RNF152: variants seen among roughly 807,000 people sequenced by gnomAD.
RNF152 encodes the protein E3 ubiquitin-protein ligase RNF152.
In RNF152, 11 loss-of-function variants were observed where a neutral mutation model predicts 12.7. That is an observed-to-expected ratio of 0.86 (90% CI 0.54 to 1.43). The LOEUF is 1.43. Among genes scored for constraint, RNF152 ranks in the 40% most tolerant of loss-of-function variants. The pLI, the probability that RNF152 is intolerant of heterozygous loss-of-function variation, is 0.00. For synonymous variants in RNF152, 113 were observed against 120.3 expected (o/e 0.94, Z 0.40); for missense variants, 255 against 274.8 (o/e 0.93, Z 0.51).
chr18:61,866,834 C>T (rs1316101811), intron 1 of RNF152, among the ~76,000 whole-genome samples: 1 of 152,192 alleles, frequency 6.6e-6, no homozygotes, highest in African/African-American at 2.4e-5. Context: ...CAAGACAGCC[C>T]ATAGCTTTGG....
At chr18:61,884,229 C>T (rs74639088) in intron 1 of RNF152, among the ~76,000 whole-genome samples, 4,366 of 112,498 alleles carry the variant, frequency 0.039, 86 homozygotes, top group Non-Finnish European at 0.056. Context: ...CCCCATTTTG[C>T]AGCTGAAGAA....
chr18:61,882,451 T>C (rs1343204238), intron 1 of RNF152, among the ~76,000 whole-genome samples: 1 of 152,212 alleles, frequency 6.6e-6, no homozygotes, highest in Non-Finnish European at 1.5e-5. Flanking sequence ...GATGATTACA[T>C]GGGAAAGAGG....
intron 1 of RNF152, among the ~76,000 whole-genome samples, chr18:61,876,009 C>T (rs1912197926): frequency 6.6e-6 from 1 of 152,268 alleles, no homozygotes; most frequent in South Asian, 2.1e-4. Context: ...AGTCCCCCTC[C>T]CACCAACCTT....
chr18:61,846,508 G>A (rs1455997077), intron 1 of RNF152, among the ~76,000 whole-genome samples: 1 of 152,106 alleles, frequency 6.6e-6, no homozygotes, highest in Non-Finnish European at 1.5e-5. Context: ...CTTACAGGTT[G>A]AGGTAAGGGG....
chr18:61,848,876 G>C (rs1458490533), intron 1 of RNF152, among the ~76,000 whole-genome samples: 1 of 152,234 alleles, frequency 6.6e-6, no homozygotes, highest in Non-Finnish European at 1.5e-5. Context: ...CAGAGGGCAA[G>C]AGAGCCAGGA....
chr18:61,849,282 G>A (rs1910869138), intron 1 of RNF152, among the ~76,000 whole-genome samples: 1 of 152,132 alleles, frequency 6.6e-6, no homozygotes, highest in Admixed American at 6.5e-5. Context: ...TATGTGACAT[G>A]GCCAGAAATT....
intron 1 of RNF152, among the ~76,000 whole-genome samples, chr18:61,864,704 C>T (rs1279068302): frequency 6.6e-6 from 1 of 152,170 alleles, no homozygotes; most frequent in African/African-American, 2.4e-5. Context: ...CTGAGGCCAG[C>T]TAAGAGCCCA....
intron 1 of RNF152, among the ~76,000 whole-genome samples, chr18:61,879,723 G>C: frequency 6.6e-6 from 1 of 152,068 alleles, no homozygotes; most frequent in East Asian, 1.9e-4. Flanking sequence ...CAGCACTTTG[G>C]GAGGCTGAGG....
intron 1 of RNF152, among the ~76,000 whole-genome samples, chr18:61,876,088 C>T (rs937857073): frequency 7.2e-5 from 11 of 152,206 alleles, no homozygotes; most frequent in Admixed American, 3.3e-4. Context: ...TAAAGCATTA[C>T]TCACTGTCTG....
chr18:61,862,543 C>T (rs545393067), intron 1 of RNF152, among the ~76,000 whole-genome samples: 62 of 151,986 alleles, frequency 4.1e-4, no homozygotes, highest in African/African-American at 1.4e-3. Context: ...CATGAAGCTT[C>T]GGTAAAAAAA....
At chr18:61,876,845 A>G (rs1912235802) in intron 1 of RNF152, among the ~76,000 whole-genome samples, 2 of 152,222 alleles carry the variant, frequency 1.3e-5, no homozygotes, top group Non-Finnish European at 2.9e-5. Context: ...TCTTATGCTC[A>G]TTATTATGCA....
chr18:61,866,792 G>T (rs2144728228), intron 1 of RNF152, among the ~76,000 whole-genome samples: 1 of 152,278 alleles, frequency 6.6e-6, no homozygotes, highest in African/African-American at 2.4e-5. Flanking sequence ...TCCCCTACTT[G>T]CCCGCTGTCC....
At chr18:61,852,909 A>G (rs1178927951) in intron 1 of RNF152, among the ~76,000 whole-genome samples, 1 of 152,212 alleles carries the variant, frequency 6.6e-6, no homozygotes, top group Admixed American at 6.5e-5. Flanking sequence ...ATTTTCAGAC[A>G]CAATCTGTTC....
chr18:61,874,807 G>A (rs1178121714), intron 1 of RNF152, among the ~76,000 whole-genome samples: 1 of 152,194 alleles, frequency 6.6e-6, no homozygotes, highest in Non-Finnish European at 1.5e-5. Flanking sequence ...GTGTTTTCAG[G>A]ATATTGAAGT....
At position 61,815,821 on chromosome 18, in the gene RNF152, G is replaced by T. The variant is rs1237061682; in HGVS notation, c.*31C>A. Reference sequence around the variant, plus strand: ...ATCAACCTGCTCAACCCCTAAGTTGGCACCCACAAGAGACTTCCCTGCAGC... The same window carrying T: ...ATCAACCTGCTCAACCCCTAAGTTGTCACCCACAAGAGACTTCCCTGCAGC... On this transcript the variant is annotated 3_prime_UTR_variant, in exon 2 of 2. Transcript: ENST00000312828. The T allele has an allele frequency of 6.3e-7, 1 of 1,599,420 alleles. No homozygotes were observed. The highest frequency in any genetic ancestry group is 1.3e-5 in the African/African-American group (1 of 74,704).
At chr18:61,865,537 G>A (rs1845176952) in intron 1 of RNF152, among the ~76,000 whole-genome samples, 1 of 152,090 alleles carries the variant, frequency 6.6e-6, no homozygotes, top group Non-Finnish European at 1.5e-5. Context: ...AATACTATTT[G>A]TCCCCCATTG....
rs1015910885 is a variant in RNF152, at chr18:61,815,199, C to T, written c.*653G>A. 2 of 152,570 alleles carry T rather than the reference C, an allele frequency of 1.3e-5. No individual in the cohort carries two copies. The highest frequency in any genetic ancestry group is 6.5e-5 in the Admixed American group (1 of 15,270). 9.5% of individuals were successfully genotyped at this position (152,570 alleles called of 1,614,324 possible). ...TGTTGAGCTTTCAGTTCCATAAACA[C>T]GTAGCAAGCTCTAATTACAAGTGAA... is the stretch of plus-strand genomic sequence containing the variant. On this transcript the variant is annotated 3_prime_UTR_variant, in exon 2 of 2. Coordinates refer to ENST00000312828, the MANE Select transcript of RNF152 (RefSeq NM_173557.3).
chr18:61,820,564 C>T (rs1048276476), intron 1 of RNF152, among the ~76,000 whole-genome samples: 11 of 151,644 alleles, frequency 7.3e-5, no homozygotes, highest in African/African-American at 7.3e-5. Context: ...CGTTGAGCTA[C>T]GGGTGGGTAG....
chr18:61,816,020 C>T lies in RNF152; in HGVS notation c.444G>A (p.Gln148=). 6.2e-7 allele frequency: 1 copy of T among 1,614,208 alleles called. No individual in the cohort carries two copies. The highest frequency in any genetic ancestry group is 8.5e-7 in the Non-Finnish European group (1 of 1,180,028). ...EQQPLQGGAP[Q]EAVEEEQDRR... is the part of the protein sequence containing the mutation. ...TGTCCTGCTCCTCCTCCACCGCCTC[C>T]TGGGGAGCCCCACCTTGCAGAGGCT... Residue 148 remains glutamine (Q), a synonymous_variant, in exon 2 of 2, where the codon CAG becomes CAA. Coordinates refer to ENST00000312828, the MANE Select transcript of RNF152 (RefSeq NM_173557.3).
Sources: gnomAD v4.1 joint callset for allele counts (sites outside exome capture counted in the v4.1 genomes callset) on GRCh38, gnomAD v4.1.1 for gene constraint, MANE v1.5 for transcripts, NCBI Gene and HGNC (gene_info 2026-07-23, HGNC 2026-07-21) for gene names.